NFATC1: variants seen among roughly 807,000 people sequenced by gnomAD.
NFATC1 encodes nuclear factor of activated T cells 1, also known as nuclear factor of activated T-cells, cytoplasmic 1.
NFATC1 carries 22 observed loss-of-function variants against 76.0 expected under a neutral mutation model. The ratio of observed to expected loss-of-function variants is 0.29; its 90% CI spans 0.21 to 0.41. The LOEUF (loss-of-function observed/expected upper bound fraction) is 0.41. NFATC1 is among the 10% of genes least tolerant of loss of function. NFATC1 has a pLI of 1.00. For synonymous variants in NFATC1, 704 were observed against 613.1 expected (o/e 1.15, Z -2.19); for missense variants, 1,357 against 1,337.7 (o/e 1.01, Z -0.23).
At chr18:79,435,690 C>G (rs187704470) in intron 3 of NFATC1, among the ~76,000 whole-genome samples, 7 of 152,346 alleles carry the variant, frequency 4.6e-5, no homozygotes, top group African/African-American at 1.7e-4. Flanking sequence ...ACAGATGCCA[C>G]TGAGAGGATC....
intron 2 of NFATC1, among the ~76,000 whole-genome samples, chr18:79,426,410 C>T (rs2086336321): frequency 6.6e-6 from 1 of 152,088 alleles, no homozygotes; most frequent in South Asian, 2.1e-4. Context: ...GCCACGGGGG[C>T]CACTGTCCTC....
At chr18:79,495,889 C>A (rs2089867452) in intron 9 of NFATC1, among the ~76,000 whole-genome samples, 1 of 152,142 alleles carries the variant, frequency 6.6e-6, no homozygotes, top group Non-Finnish European at 1.5e-5. Context: ...GTAACACAGG[C>A]AAGCCGTGAA....
In NFATC1 at chr18:79,467,661, C is replaced by T. The variant is rs893774037; in HGVS notation, c.2092+79C>T. Reference sequence around the variant, plus strand: ...TTCTAAAGACGCAGAAACGACGTCGCCGTAAAGCAGCGTGGCGTGTTGCAC... The same window carrying T: ...TTCTAAAGACGCAGAAACGACGTCGTCGTAAAGCAGCGTGGCGTGTTGCAC... On this transcript the variant is annotated intron_variant, in intron 8 of 9. Coordinates refer to ENST00000427363, the MANE Select transcript of NFATC1 (RefSeq NM_001278669.2). 3.8e-6 allele frequency: 6 copies of T among 1,589,584 alleles called. No homozygotes were observed. In the Admixed American group the frequency reaches 5.2e-5, roughly 14 times the overall value.
intron 9 of NFATC1, among the ~76,000 whole-genome samples, chr18:79,517,250 G>T (rs949810331): frequency 1.3e-5 from 2 of 152,204 alleles, no homozygotes; most frequent in Admixed American, 6.5e-5. Context: ...TTAGCTAAAG[G>T]TGTATTTTCT....
At position 79,529,099 on chromosome 18, in the gene NFATC1, A is replaced by T. The variant is rs2090838531; in HGVS notation, c.*1522A>T. The T allele has an allele frequency of 6.6e-6, 1 of 152,272 alleles. No individual in the cohort carries two copies. The highest frequency in any genetic ancestry group is 2.1e-4 in the South Asian group (1 of 4,828). 9.4% of individuals were successfully genotyped at this position (152,272 alleles called of 1,614,324 possible). A position where few individuals can be genotyped will look rare whatever the true frequency, so the allele number is the denominator to read the frequency against. ...GGCACAATCGCGTCTCTTGTGTCTC[A>T]CTCACGGAAAGAAACAACCTGAAGG... On this transcript the variant is annotated 3_prime_UTR_variant, in exon 10 of 10. Transcript: ENST00000427363.
chr18:79,486,808 G>A lies in NFATC1; in HGVS notation c.2653G>A (p.Asp885Asn). The part of the protein sequence containing the change: ...PQHLPSTVRR[D>N]ESPTAGPRLL... ...GCACCTGCCGTCCACGGTCCGCAGGGACGAGTCTCCGACTGCCGGGCCACG... is the reference window on the plus strand; with the variant it reads ...GCACCTGCCGTCCACGGTCCGCAGGAACGAGTCTCCGACTGCCGGGCCACG... The change falls in exon 9 of 10, where the codon GAC becomes AAC. Residue 885 changes from aspartate to asparagine, a missense_variant. By Grantham distance (23) the Asp-to-Asn change is conservative (BLOSUM62 1). This residue lies in a region of NFATC1 where 424 missense variants were observed against 395.4 expected (regional missense o/e 1.07). Transcript: ENST00000427363. 5.6e-6 allele frequency: 9 copies of A among 1,611,444 alleles called. No individual in the cohort carries two copies. Among genetic ancestry groups the A allele is most frequent in the Non-Finnish European group, 7.6e-6 (9 of 1,179,340 alleles).
At chr18:79,522,829 C>T (rs184929099) in intron 9 of NFATC1, among the ~76,000 whole-genome samples, 1 of 152,252 alleles carries the variant, frequency 6.6e-6, no homozygotes, top group Admixed American at 6.5e-5. Flanking sequence ...GCCAGTAGGC[C>T]CATCCAGCTT....
intron 2 of NFATC1, among the ~76,000 whole-genome samples, chr18:79,415,545 G>C (rs2085849248): frequency 6.6e-6 from 1 of 151,490 alleles, no homozygotes; most frequent in African/African-American, 2.4e-5. Context: ...GCCTCCCAAA[G>C]TGCTGGGATT....
At chr18:79,508,829 G>A (rs73481103) in intron 9 of NFATC1, among the ~76,000 whole-genome samples, 41 of 149,208 alleles carry the variant, frequency 2.7e-4, no homozygotes, top group African/African-American at 9.7e-4. Flanking sequence ...ATCTCCCTCC[G>A]TGTGTCTCTG....
chr18:79,499,747 C>T (rs1362953524), intron 9 of NFATC1, among the ~76,000 whole-genome samples: 2 of 152,182 alleles, frequency 1.3e-5, no homozygotes, highest in Middle Eastern at 3.4e-3. Context: ...ATACATACTT[C>T]AGATTTAAAG....
intron 2 of NFATC1, among the ~76,000 whole-genome samples, chr18:79,423,608 T>C (rs1216503885): frequency 6.6e-6 from 1 of 152,166 alleles, no homozygotes; most frequent in African/African-American, 2.4e-5. Flanking sequence ...GACCTGGGAC[T>C]GCCTGGGACA....
At chr18:79,487,073 C>G (rs2089525935) in intron 9 of NFATC1, 136 bp downstream of exon 9, 3 of 1,044,596 alleles carry the variant, frequency 2.9e-6, no homozygotes, top group East Asian at 2.8e-5. Context: ...GGGGTGCGTC[C>G]TCCTGATATA....
At chr18:79,502,396 CTT>C (rs2145139941) in intron 9 of NFATC1, among the ~76,000 whole-genome samples, 1 of 152,288 alleles carries the variant, frequency 6.6e-6, no homozygotes, top group Admixed American at 6.5e-5. Flanking sequence ...ATGAGGAACT[CTT>C]TCAAGACTTT....
rs910134343 is a variant in NFATC1 at position 79,465,914 on chromosome 18, C to T, written c.1960-1536C>T. ...CGCCCACTGACAGCACTCATGGCCC[C>T]TCCGGCGGCAGCTTCAGCTCCCCTG... is the stretch of plus-strand genomic sequence containing the variant. On this transcript the variant is annotated intron_variant, in intron 7 of 9. Coordinates refer to ENST00000427363, the MANE Select transcript of NFATC1 (RefSeq NM_001278669.2). This position sits in a 1 kb window ranked among gnomAD's most constrained non-coding sequence, Gnocchi z 4.2. 5.9e-5 allele frequency among the ~76,000 whole-genome samples: 9 copies of T among 152,278 alleles called. No individual in the cohort carries two copies. Among genetic ancestry groups the T allele is most frequent in the Non-Finnish European group, 8.8e-5 (6 of 68,054 alleles).
chr18:79,502,848 T>C (rs2090042865), intron 9 of NFATC1, among the ~76,000 whole-genome samples: 1 of 152,224 alleles, frequency 6.6e-6, no homozygotes, highest in Non-Finnish European at 1.5e-5. Context: ...GAGGAGAAAT[T>C]GGGCCCCTGA....
chr18:79,411,637 G>A, intron 2 of NFATC1, 136 bp downstream of exon 2: 1 of 631,224 alleles, frequency 1.6e-6, no homozygotes, highest in Non-Finnish European at 2.1e-6. Flanking sequence ...GGGCAGGTGG[G>A]CTCCTCGTGG....
intron 3 of NFATC1, among the ~76,000 whole-genome samples, chr18:79,434,717 T>C (rs1031458213): frequency 6.6e-6 from 1 of 152,246 alleles, no homozygotes; most frequent in African/African-American, 2.4e-5. Flanking sequence ...GTGCCTCGTA[T>C]TTTTATTTTC....
intron 8 of NFATC1, among the ~76,000 whole-genome samples, chr18:79,483,306 G>T (rs2581733): frequency 1.1e-4 from 11 of 99,452 alleles, no homozygotes; most frequent in African/African-American, 4.3e-4. Context: ...GTGTCATTCC[G>T]GCGTGACCTG....
chr18:79,484,493 T>A (rs1345725213), intron 8 of NFATC1, among the ~76,000 whole-genome samples: 2 of 152,048 alleles, frequency 1.3e-5, no homozygotes, highest in Admixed American at 6.6e-5. Flanking sequence ...CCTCGATGTT[T>A]CTACTCAGTG....
Sources: allele counts gnomAD v4.1 joint callset (sites outside exome capture counted in the v4.1 genomes callset), GRCh38; gene constraint gnomAD v4.1.1; regional missense constraint gnomAD v4.1.1; non-coding constraint Gnocchi (gnomAD v3.1); transcripts MANE v1.5; gene names NCBI Gene and HGNC (gene_info 2026-07-23, HGNC 2026-07-21).